The following PCNX2 variants were observed in gnomAD, a reference collection of about 807,000 sequenced individuals.
PCNX2 encodes pecanex-like protein 2.
In PCNX2, 168 loss-of-function variants were observed where a neutral mutation model predicts 223.8. That is an observed-to-expected ratio of 0.75 (90% confidence interval 0.66 to 0.85). The LOEUF (loss-of-function observed/expected upper bound fraction) is 0.85, where lower values mean the gene tolerates loss of function less well. Among genes scored for constraint, PCNX2 ranks in the 40% least tolerant of loss-of-function variants. The pLI is 0.00. For synonymous variants in PCNX2, 1,006 were observed against 1,052.6 expected (o/e 0.96, Z 0.86); for missense variants, 2,507 against 2,675.5 (o/e 0.94, Z 1.39).
chr1:233,246,281 C>T (rs1282926175), intron 8 of PCNX2, among the ~76,000 whole-genome samples: 4 of 151,974 alleles, frequency 2.6e-5, no homozygotes, highest in Non-Finnish European at 5.9e-5. Context: ...GGGATGAATG[C>T]CCTCTGATTT....
chr1:233,009,943 G>T (rs1241568617), intron 28 of PCNX2, among the ~76,000 whole-genome samples: 1 of 152,174 alleles, frequency 6.6e-6, no homozygotes, highest in African/African-American at 2.4e-5. Flanking sequence ...CTGCTCCTTT[G>T]TAGGCTATCA....
At chr1:233,025,051 C>T (rs987215091) in intron 26 of PCNX2, 95 bp downstream of exon 26, 7 of 1,506,038 alleles carry the variant, frequency 4.6e-6, no homozygotes, top group Non-Finnish European at 5.4e-6. Context: ...CTGAGGATGA[C>T]AGGCTTCAAA....
At chr1:233,219,496 T>C (rs1429988650) in intron 10 of PCNX2, among the ~76,000 whole-genome samples, 1 of 152,036 alleles carries the variant, frequency 6.6e-6, no homozygotes, top group African/African-American at 2.4e-5. Flanking sequence ...TTCGCAAGGA[T>C]TCTGAGTATA....
rs146150278 is a variant in PCNX2, at chr1:233,075,798, C to A, written c.4076+14263G>T. On this transcript the variant is annotated intron_variant, in intron 23 of 33. Transcript: ENST00000258229. ...CTGAACATAGTGACTACCATGCATT[C>A]ATCTACAATTTGTATCTCTGATTCT... Among the ~76,000 whole-genome samples, 472 of 151,818 alleles carry A rather than the reference C, an allele frequency of 3.1e-3. 2 individuals are homozygous for A. The highest frequency in any genetic ancestry group is 0.01 in the African/African-American group (430 of 41,358).
At chr1:232,996,542 T>C (rs1669880860) in intron 32 of PCNX2, among the ~76,000 whole-genome samples, 1 of 152,278 alleles carries the variant, frequency 6.6e-6, no homozygotes, top group Admixed American at 6.5e-5. Flanking sequence ...GAGATCTTTT[T>C]TCCTTTCTTT....
chr1:233,293,252 A>G (rs186923480), intron 1 of PCNX2, among the ~76,000 whole-genome samples: 182 of 152,356 alleles, frequency 1.2e-3, no homozygotes, highest in African/African-American at 4.3e-3. Context: ...GTGGAATTAT[A>G]GGTGGAAAAT....
rs978838531 is a variant in PCNX2, at chr1:233,291,976, T to G, written c.153+3350A>C. 40 of 985,226 alleles carry G rather than the reference T, an allele frequency of 4.1e-5. No individual in the cohort carries two copies. In the African/African-American group the frequency reaches 6.6e-4, roughly 16 times the overall value. 61.0% of individuals were successfully genotyped at this position (985,226 alleles called of 1,614,324 possible). ...TCTTTCCAAGTTATCCAAATTGACT[T>G]ACTGTTTTCAGTTGTACATTTCCAA... On this transcript the variant is annotated intron_variant, in intron 1 of 33. Coordinates refer to ENST00000258229, the MANE Select transcript of PCNX2 (RefSeq NM_014801.4).
chr1:233,272,740 G>A (rs969358472), intron 1 of PCNX2, among the ~76,000 whole-genome samples: 5 of 152,160 alleles, frequency 3.3e-5, no homozygotes, highest in Non-Finnish European at 5.9e-5. Context: ...TACGGAACCA[G>A]CCCAAATGCC....
At chr1:233,018,608 G>C (rs906050806) in intron 26 of PCNX2, among the ~76,000 whole-genome samples, 2 of 152,176 alleles carry the variant, frequency 1.3e-5, no homozygotes, top group African/African-American at 4.8e-5. Flanking sequence ...AAATGGGACA[G>C]AGGAAATGAA....
chr1:233,145,110 G>A (rs527995210), intron 19 of PCNX2, among the ~76,000 whole-genome samples: 40 of 151,614 alleles, frequency 2.6e-4, no homozygotes, highest in African/African-American at 8.7e-4. Flanking sequence ...GACTACAGGC[G>A]CCTGCCACCA....
intron 15 of PCNX2, among the ~76,000 whole-genome samples, chr1:233,191,418 T>A (rs1680411357): frequency 6.6e-6 from 1 of 152,292 alleles, no homozygotes; most frequent in East Asian, 1.9e-4. Context: ...CTATTCAGGG[T>A]TGCCACAAAG....
intron 25 of PCNX2, among the ~76,000 whole-genome samples, chr1:233,037,405 C>T (rs1177699219): frequency 1.3e-5 from 2 of 152,142 alleles, no homozygotes; most frequent in African/African-American, 4.8e-5. Context: ...AATCATAGCT[C>T]ACTGTCACTC....
chr1:233,186,360 G>A lies in PCNX2; in HGVS notation c.3067-7185C>T, dbSNP rs140856868. ...AATCCCATCTTTAAGTAAAAGGAGC[G>A]CTGGGCCCATAAAGTTCCCGAAATT... On this transcript the variant is annotated intron_variant, in intron 15 of 33. Coordinates refer to ENST00000258229, the MANE Select transcript of PCNX2 (RefSeq NM_014801.4). Among the ~76,000 whole-genome samples, 15 of 152,166 alleles carry A rather than the reference G, an allele frequency of 9.9e-5. No homozygotes were observed. In the East Asian group the frequency reaches 1.9e-3, roughly 20 times the overall value.
intron 23 of PCNX2, among the ~76,000 whole-genome samples, chr1:233,072,225 A>G (rs1322415108): frequency 2.6e-5 from 4 of 152,154 alleles, no homozygotes; most frequent in African/African-American, 7.2e-5. Flanking sequence ...GTCTGTTCCT[A>G]TATCAAAATG....
chr1:233,079,222 C>G (rs770555389), intron 23 of PCNX2, among the ~76,000 whole-genome samples: 1 of 152,136 alleles, frequency 6.6e-6, no homozygotes, highest in Non-Finnish European at 1.5e-5. Flanking sequence ...TTTGCGCCAT[C>G]ACTCTCTAAA....
At chr1:233,181,348 C>T (rs755964278) in intron 15 of PCNX2, among the ~76,000 whole-genome samples, 2 of 151,954 alleles carry the variant, frequency 1.3e-5, no homozygotes, top group South Asian at 2.1e-4. Context: ...TACAGGCACA[C>T]ACCACCACAC....
chr1:233,258,831 TGCAAGG>T lies in PCNX2; in HGVS notation c.1025_1030del (p.Pro342_Leu343del). 1 of 1,613,908 alleles carries T rather than the reference TGCAAGG, an allele frequency of 6.2e-7. No individual in the cohort carries two copies. The highest frequency in any genetic ancestry group is 8.5e-7 in the Non-Finnish European group (1 of 1,179,880). ...ACTATCTGAGGAGTCCACTTCCTGGTGCAAGGGCAGGTCCCCCTGGCAGGAGGTATC... is the reference window on the plus strand; with the variant it reads ...ACTATCTGAGGAGTCCACTTCCTGGTGCAGGTCCCCCTGGCAGGAGGTATC... On this transcript the variant is annotated inframe_deletion, in exon 5 of 34. Coordinates refer to ENST00000258229, the MANE Select transcript of PCNX2 (RefSeq NM_014801.4).
intron 25 of PCNX2, among the ~76,000 whole-genome samples, chr1:233,031,497 A>G (rs1255122452): frequency 6.6e-6 from 1 of 152,252 alleles, no homozygotes; most frequent in East Asian, 1.9e-4. Flanking sequence ...TACCTTACAT[A>G]TGGTGGCAGA....
At chr1:233,173,741 G>A (rs566325508) in intron 17 of PCNX2, among the ~76,000 whole-genome samples, 5 of 152,104 alleles carry the variant, frequency 3.3e-5, no homozygotes, top group Admixed American at 2.0e-4. Flanking sequence ...AATAAACTGC[G>A]GTAGTTAGTT....
Sources: allele counts gnomAD v4.1 joint callset (sites outside exome capture counted in the v4.1 genomes callset), GRCh38; gene constraint gnomAD v4.1.1; transcripts MANE v1.5; gene names NCBI Gene and HGNC (gene_info 2026-07-23, HGNC 2026-07-21).